The following PRKG1 variants were observed in gnomAD, a reference collection of about 807,000 sequenced individuals.
The protein encoded by PRKG1 is cGMP-dependent protein kinase 1.
PRKG1 carries 35 observed loss-of-function variants against 88.1 expected under a neutral mutation model. The observed-to-expected ratio is 0.40, with a 90% CI of 0.30 to 0.53. The LOEUF is 0.53. PRKG1 is among the 20% of genes least tolerant of loss of function. The pLI, the probability that PRKG1 is intolerant of heterozygous loss-of-function variation, is 0.59. For missense variants in PRKG1, 540 were observed against 839.8 expected (o/e 0.64, Z 4.41); for synonymous variants, 303 against 292.5 (o/e 1.04, Z -0.37).
Position 51,554,200 on chromosome 10 carries a change from G to T in PRKG1, c.592+86364G>T, listed in dbSNP as rs193173468. Among the ~76,000 whole-genome samples, 232 of 143,680 alleles carry T rather than the reference G, an allele frequency of 1.6e-3. 1 individual carries two copies. The highest frequency in any genetic ancestry group is 5.1e-3 in the African/African-American group (201 of 39,192). 94.3% of individuals were successfully genotyped at this position (143,680 alleles called of 152,430 possible). A position where few individuals can be genotyped will look rare whatever the true frequency, so the allele number is the denominator to read the frequency against. On this transcript the variant is annotated intron_variant, in intron 3 of 17. Transcript: ENST00000373980. ...ATATGTGTATATATTATATATGTGC[G>T]TATGTGATATATGTATATTATATAT...
chr10:51,051,238 G>T (rs1323692969), intron 1 of PRKG1, among the ~76,000 whole-genome samples: 2 of 151,980 alleles, frequency 1.3e-5, no homozygotes, highest in Non-Finnish European at 1.5e-5. Context: ...CATTGCCAAG[G>T]CCAATGTTAA....
chr10:51,421,166 T>TTGTG (rs1485679943), intron 2 of PRKG1, among the ~76,000 whole-genome samples: 1 of 151,492 alleles, frequency 6.6e-6, no homozygotes, highest in Non-Finnish European at 1.5e-5. Flanking sequence ...TATTTCTTGT[T>TTGTG]TGTTTGTTTG....
chr10:52,082,992 A>T (rs1456143210), intron 7 of PRKG1, among the ~76,000 whole-genome samples: 1 of 152,142 alleles, frequency 6.6e-6, no homozygotes, highest in Non-Finnish European at 1.5e-5. Flanking sequence ...CAGGAAAAAA[A>T]TACACGGATT....
chr10:51,647,239 G>C (rs774489514), intron 3 of PRKG1, among the ~76,000 whole-genome samples: 20 of 151,760 alleles, frequency 1.3e-4, no homozygotes, highest in Non-Finnish European at 2.8e-4. Context: ...CAACAGTCTA[G>C]ACTTAAAATC....
chr10:51,751,471 G>A (rs560598077), intron 3 of PRKG1, among the ~76,000 whole-genome samples: 7 of 152,124 alleles, frequency 4.6e-5, no homozygotes, highest in East Asian at 1.9e-4. Flanking sequence ...CAAGTTATCC[G>A]CCTGCATCTG....
At chr10:51,709,452 A>C in intron 3 of PRKG1, among the ~76,000 whole-genome samples, 1 of 152,240 alleles carries the variant, frequency 6.6e-6, no homozygotes, top group East Asian at 1.9e-4. Context: ...TACAATGAGA[A>C]ACTTTTCTCT....
At chr10:51,879,834 G>T (rs984482321) in intron 4 of PRKG1, among the ~76,000 whole-genome samples, 1 of 152,160 alleles carries the variant, frequency 6.6e-6, no homozygotes, top group African/African-American at 2.4e-5. Flanking sequence ...TCTGAAATCC[G>T]ATTGATGTTA....
At chr10:52,282,890 A>T (rs1392964527) in intron 14 of PRKG1, among the ~76,000 whole-genome samples, 1 of 152,100 alleles carries the variant, frequency 6.6e-6, no homozygotes, top group Non-Finnish European at 1.5e-5. Context: ...GTTATGACCT[A>T]CAGATTTCAG....
chr10:50,991,383 G>A lies in PRKG1; in HGVS notation c.5G>A (p.Ser2Asn). 6.5e-7 allele frequency: 1 copy of A among 1,531,266 alleles called. No individual in the cohort carries two copies. Among genetic ancestry groups the A allele is most frequent in the Non-Finnish European group, 8.8e-7 (1 of 1,138,974 alleles). The allele number at this position is 1,531,266 out of a possible 1,614,324, so 94.9% of individuals were successfully genotyped here. A position where few individuals can be genotyped will look rare whatever the true frequency, so the allele number is the denominator to read the frequency against. The change falls in exon 1 of 18, where the codon AGC becomes AAC. Residue 2 changes from serine to asparagine, a missense_variant. Transcript: ENST00000401604. The surrounding 1 kb of genome is among the most constrained non-coding windows in gnomAD (Gnocchi z 4.5). ...GCGGAGGGGCTCAGTGAAAAAATGA[G>A]CGAGCTAGAGGAAGACTTTGCCAAG...
chr10:52,157,335 A>ATATATG (rs1342696010), intron 8 of PRKG1, among the ~76,000 whole-genome samples: 1 of 110,106 alleles, frequency 9.1e-6, no homozygotes, highest in African/African-American at 3.6e-5. Context: ...ATATATATAT[A>ATATATG]TATGTATATA....
At chr10:51,655,306 T>G (rs2132320796) in intron 3 of PRKG1, among the ~76,000 whole-genome samples, 1 of 152,284 alleles carries the variant, frequency 6.6e-6, no homozygotes, top group South Asian at 2.1e-4. Flanking sequence ...CATAAGATTC[T>G]GTAGCAAATG....
intron 4 of PRKG1, among the ~76,000 whole-genome samples, chr10:51,886,329 T>C (rs190340734): frequency 1.3e-5 from 2 of 151,776 alleles, no homozygotes; most frequent in East Asian, 3.9e-4. Context: ...TAGTTTTGGG[T>C]TTTTTTTTAA....
Position 51,308,596 on chromosome 10 carries a change from G to C in PRKG1, c.478+155266G>C, listed in dbSNP as rs187735529. On this transcript the variant is annotated intron_variant, in intron 2 of 17. Coordinates refer to ENST00000373980, the MANE Select transcript of PRKG1 (RefSeq NM_006258.4). ...GGGCTATTACATTAGCCTTCTCACT[G>C]GTCCCTAACAATCAGTAGTCAGTGT... 2.3e-3 allele frequency among the ~76,000 whole-genome samples: 343 copies of C among 152,092 alleles called. 8 individuals are homozygous for C. Among genetic ancestry groups the C allele is most frequent in the East Asian group, 7.7e-4 (4 of 5,162 alleles).
At chr10:51,777,709 C>T (rs1418462614) in intron 3 of PRKG1, among the ~76,000 whole-genome samples, 1 of 152,240 alleles carries the variant, frequency 6.6e-6, no homozygotes, top group African/African-American at 2.4e-5. Context: ...CATGTGTTCA[C>T]AATTATAGCA....
At chr10:51,897,077 C>A (rs963115020) in intron 4 of PRKG1, among the ~76,000 whole-genome samples, 1 of 152,122 alleles carries the variant, frequency 6.6e-6, no homozygotes, top group Non-Finnish European at 1.5e-5. Context: ...AGTTATAAGA[C>A]AATTGCATAA....
chr10:52,085,203 G>A lies in PRKG1; in HGVS notation c.935+22572G>A, dbSNP rs562059846. On this transcript the variant is annotated intron_variant, in intron 7 of 17. Transcript: ENST00000373980. ...CTTGCAACTAATAAACAACCTGTAAGGAAACTCTTAAAGAGCATGCAAATG... is the reference window on the plus strand; with the variant it reads ...CTTGCAACTAATAAACAACCTGTAAAGAAACTCTTAAAGAGCATGCAAATG... Among the ~76,000 whole-genome samples, 14 of 152,070 alleles carry A rather than the reference G, an allele frequency of 9.2e-5. No homozygotes were observed. The South Asian group carries it at 2.7e-3, about 29-fold the overall frequency.
At chr10:51,048,712 A>G (rs1185749137) in intron 1 of PRKG1, among the ~76,000 whole-genome samples, 1 of 152,302 alleles carries the variant, frequency 6.6e-6, no homozygotes, top group East Asian at 1.9e-4. Flanking sequence ...GCAAATCACT[A>G]CTTTCCAAAA....
At chr10:51,001,507 A>G (rs1195811027) in intron 1 of PRKG1, among the ~76,000 whole-genome samples, 3 of 152,258 alleles carry the variant, frequency 2.0e-5, no homozygotes, top group Non-Finnish European at 2.9e-5. Flanking sequence ...ATTATTCCAA[A>G]TTAAAACTAT....
chr10:51,015,966 A>G (rs897163220), intron 1 of PRKG1, among the ~76,000 whole-genome samples: 3 of 152,202 alleles, frequency 2.0e-5, no homozygotes, highest in Non-Finnish European at 4.4e-5. Flanking sequence ...TGATTGAAGC[A>G]TGCTTGATGG....
Sources: allele counts gnomAD v4.1 joint callset (sites outside exome capture counted in the v4.1 genomes callset), GRCh38; gene constraint gnomAD v4.1.1; non-coding constraint Gnocchi (gnomAD v3.1); transcripts MANE v1.5; gene names NCBI Gene and HGNC (gene_info 2026-07-23, HGNC 2026-07-21).